Variants in ZNF517 observed in about 807,000 individuals in gnomAD.
ZNF517 encodes zinc finger protein 517.
Under a neutral mutation model 12.1 loss-of-function variants are expected in ZNF517, and 12 were observed. That is an observed-to-expected ratio of 0.99 (90% CI 0.63 to 1.61). ZNF517 has a LOEUF of 1.61. Among genes scored for constraint, ZNF517 ranks in the 40% most tolerant of loss-of-function variants. ZNF517 has a pLI of 0.00. For synonymous variants in ZNF517, 388 were observed against 310.2 expected (o/e 1.25, Z -2.63); for missense variants, 781 against 693.2 (o/e 1.13, Z -1.42).
chr8:144,811,727 A>G (rs1827562580), downstream of ZNF517, among the ~76,000 whole-genome samples: 1 of 136,038 alleles, frequency 7.4e-6, no homozygotes, highest in Non-Finnish European at 1.5e-5. Context: ...AGGCTGAGAC[A>G]GGGTGGGAGA....
intron 2 of ZNF517, 93 bp from the exon 3 acceptor site, chr8:144,803,546 GGA>G: frequency 6.5e-7 from 1 of 1,532,898 alleles, no homozygotes; most frequent in Non-Finnish European, 8.9e-7. Context: ...TGGGCAGCAA[GGA>G]GAGAGGCCTC....
downstream of ZNF517, chr8:144,810,441 A>T (rs925499862): frequency 3.6e-5 from 15 of 420,620 alleles, no homozygotes; most frequent in Middle Eastern, 3.1e-4. Flanking sequence ...GGGCACCAAG[A>T]TGGGGAGGGC....
chr8:144,804,140 A>C lies in ZNF517; in HGVS notation c.176A>C (p.Lys59Thr). Residue 59 changes from lysine (K) to threonine (T), a missense_variant, in exon 4 of 5, where the codon AAA (lysine) becomes ACA (threonine). By Grantham distance (78) the Lys-to-Thr change is moderately conservative (BLOSUM62 -1). Transcript: ENST00000359971. ...CTGAGCTTAGGCTTTCTTGTTGCCA[A>C]ACCAGCACTGATCTCCCTATTGGAG... ...NLASLGFLVA[K>T]PALISLLEQG... 6.2e-7 allele frequency: 1 copy of C among 1,614,132 alleles called. No individual in the cohort carries two copies. The highest frequency in any genetic ancestry group is 8.5e-7 in the Non-Finnish European group (1 of 1,179,980).
Position 144,809,128 on chromosome 8 carries a change from A to G in ZNF517, c.*733A>G, listed in dbSNP as rs1025946127. On this transcript the variant is annotated 3_prime_UTR_variant, in exon 5 of 5. Transcript: ENST00000359971. ...ACCACGGCACTCCAACCTGGTTGAC[A>G]GAGTGACACCCTGTTTAAAAAAAAA... The G allele has an allele frequency of 2.0e-5, 3 of 151,864 alleles. No homozygotes were observed. The highest frequency in any genetic ancestry group is 2.0e-4 in the Admixed American group (3 of 15,258). The allele number at this position is 151,864 out of a possible 1,614,324, so 9.4% of individuals were successfully genotyped here. A position where few individuals can be genotyped will look rare whatever the true frequency, so the allele number is the denominator to read the frequency against.
chr8:144,800,925 A>C (rs1031611575), intron 1 of ZNF517, among the ~76,000 whole-genome samples: 9 of 151,140 alleles, frequency 6.0e-5, no homozygotes, highest in Non-Finnish European at 1.0e-4. Context: ...ACCTCTGTCT[A>C]CTCAAGCAGT....
chr8:144,811,377 A>T (rs1324391350), downstream of ZNF517, among the ~76,000 whole-genome samples: 1 of 152,228 alleles, frequency 6.6e-6, no homozygotes, highest in Non-Finnish European at 1.5e-5. Context: ...CGCCTGAGAC[A>T]GGGTGGGAGA....
intron 4 of ZNF517, among the ~76,000 whole-genome samples, chr8:144,805,161 G>A (rs1361441138): frequency 2.0e-5 from 3 of 152,214 alleles, no homozygotes; most frequent in African/African-American, 4.8e-5. Flanking sequence ...AGTAACGGGC[G>A]TCTTCCCAGG....
chr8:144,813,380 A>G (rs542009112), downstream of ZNF517, among the ~76,000 whole-genome samples: 1 of 152,208 alleles, frequency 6.6e-6, no homozygotes, highest in African/African-American at 2.4e-5. Flanking sequence ...GGACAATTAT[A>G]AAACACTGAT....
At position 144,809,271 on chromosome 8, in the gene ZNF517, G is replaced by A. The variant is rs914741923; in HGVS notation, c.*876G>A. The A allele has an allele frequency of 2.0e-5, 3 of 152,162 alleles. No homozygotes were observed. The highest frequency in any genetic ancestry group is 4.8e-5 in the African/African-American group (2 of 41,426). 9.4% of individuals were successfully genotyped at this position (152,162 alleles called of 1,614,324 possible). On this transcript the variant is annotated 3_prime_UTR_variant, in exon 5 of 5. Coordinates refer to ENST00000359971, the MANE Select transcript of ZNF517 (RefSeq NM_213605.3). Reference sequence around the variant, plus strand: ...AATGGCACAATCATGGCTTACTGCAGCCTCCAGCTCCCAGGCTCAAGCGTT... The same window carrying A: ...AATGGCACAATCATGGCTTACTGCAACCTCCAGCTCCCAGGCTCAAGCGTT...
rs776652204 is a variant in ZNF517 at position 144,807,388 on chromosome 8, GC to G, written c.474del (p.Ser159ProfsTer67). The part of the protein sequence containing the change: ...PTHPRAREHS[A>X]SPRVLQEDLG... ...CCACCCCCGGGCTCGGGAGCACAGCGCCTCCCCAAGGGTTCTGCAGGAAGAC... is the reference window on the plus strand; with the variant it reads ...CCACCCCCGGGCTCGGGAGCACAGCGCTCCCCAAGGGTTCTGCAGGAAGAC... On this transcript the variant is annotated frameshift_variant, in exon 5 of 5. Coordinates refer to ENST00000359971, the MANE Select transcript of ZNF517 (RefSeq NM_213605.3). LOFTEE classifies it low-confidence loss of function (END_TRUNC). 2.6e-6 allele frequency: 4 copies of G among 1,558,090 alleles called. No homozygotes were observed. The highest frequency in any genetic ancestry group is 3.5e-6 in the Non-Finnish European group (4 of 1,151,208).
intron 4 of ZNF517, among the ~76,000 whole-genome samples, chr8:144,804,853 A>G (rs1292869570): frequency 6.6e-6 from 1 of 152,198 alleles, no homozygotes; most frequent in Non-Finnish European, 1.5e-5. Context: ...TATGCATTTT[A>G]ATGACTTTTA....
At position 144,803,641 on chromosome 8, in the gene ZNF517, G is replaced by A; in HGVS notation, c.34G>A (p.Glu12Lys). 1 of 1,614,082 alleles carries A rather than the reference G, an allele frequency of 6.2e-7. No homozygotes were observed. Among genetic ancestry groups the A allele is most frequent in the Admixed American group, 1.7e-5 (1 of 60,006 alleles). The change falls in exon 3 of 5, where the codon GAG (glutamate) becomes AAG (lysine). Residue 12 changes from glutamate to lysine, a missense_variant and splice_region_variant. Physicochemically the swap from Glu to Lys is moderately conservative, Grantham distance 56 (BLOSUM62 1). Coordinates refer to ENST00000359971, the MANE Select transcript of ZNF517 (RefSeq NM_213605.3). ...AMALPMPGPQEAVVFEDVAVY... is the reference protein window; with the variant it reads ...AMALPMPGPQKAVVFEDVAVY... Reference sequence around the variant, plus strand: ...TGGATAGCAGAGTATGTGGTTGCAGGAGGCGGTTGTGTTCGAGGATGTGGC... The same window carrying A: ...TGGATAGCAGAGTATGTGGTTGCAGAAGGCGGTTGTGTTCGAGGATGTGGC...
chr8:144,806,996 A>G (rs1041536442), intron 4 of ZNF517, among the ~76,000 whole-genome samples, 195 bp from the exon 5 acceptor site: 4 of 151,598 alleles, frequency 2.6e-5, no homozygotes, highest in Admixed American at 6.6e-5. Context: ...TCGGCTCACT[A>G]CAACCTCTGT....
chr8:144,807,570 C>A lies in ZNF517; in HGVS notation c.654C>A (p.Ser218=). Reference sequence around the variant, plus strand: ...GCGGGAAGGCCTTCAAGCAAAGCTCCATCCTGCTGCGGCACCAGCTGATCC... The same window carrying A: ...GCGGGAAGGCCTTCAAGCAAAGCTCAATCCTGCTGCGGCACCAGCTGATCC... ...TECGKAFKQS[S]ILLRHQLIHT... is the part of the protein sequence containing the mutation. Residue 218 remains serine (S), a synonymous_variant, in exon 5 of 5, where the codon TCC becomes TCA. Coordinates refer to ENST00000359971, the MANE Select transcript of ZNF517 (RefSeq NM_213605.3). 6.2e-7 allele frequency: 1 copy of A among 1,601,290 alleles called. No individual in the cohort carries two copies. The highest frequency in any genetic ancestry group is 1.1e-5 in the South Asian group (1 of 89,412).
intron 4 of ZNF517, among the ~76,000 whole-genome samples, chr8:144,805,652 G>A (rs116464639): frequency 0.021 from 2,942 of 138,838 alleles, 93 homozygotes; most frequent in African/African-American, 0.076. Flanking sequence ...TTGAGACGGA[G>A]TCTCGCACTT....
rs529084010 is a variant in ZNF517 at position 144,807,739 on chromosome 8, C to T, written c.823C>T (p.Arg275Trp). The change falls in exon 5 of 5, where the codon CGG becomes TGG. Residue 275 changes from arginine to tryptophan, a missense_variant. Transcript: ENST00000359971. Reference protein sequence around the residue: ...ECGKAFSRSSRLLQHQKFHTG... With the variant: ...ECGKAFSRSSWLLQHQKFHTG... ...CGGCAAGGCCTTCAGCCGCAGCTCC[C>T]GGCTGCTGCAGCACCAGAAGTTCCA... is the stretch of plus-strand genomic sequence containing the variant. 20 of 1,611,688 alleles carry T rather than the reference C, an allele frequency of 1.2e-5. No homozygotes were observed. Among genetic ancestry groups the T allele is most frequent in the Admixed American group, 3.3e-5 (2 of 59,958 alleles).
rs2130471179 is a variant in ZNF517 at position 144,809,580 on chromosome 8, C to T, written c.*1185C>T. ...GGACTCAGGCTTGCCACAGAGGCCT[C>T]CCAGGGCTCTCGGCCAGTCAGCCTC... On this transcript the variant is annotated 3_prime_UTR_variant, in exon 5 of 5. Coordinates refer to ENST00000359971, the MANE Select transcript of ZNF517 (RefSeq NM_213605.3). 1 of 152,356 alleles carries T rather than the reference C, an allele frequency of 6.6e-6. No homozygotes were observed. Among genetic ancestry groups the T allele is most frequent in the Non-Finnish European group, 1.5e-5 (1 of 68,070 alleles). The allele number at this position is 152,356 out of a possible 1,614,324, so 9.4% of individuals were successfully genotyped here. A position where few individuals can be genotyped will look rare whatever the true frequency, so the allele number is the denominator to read the frequency against.
rs756565731 is a variant in ZNF517 at position 144,802,895 on chromosome 8, C to T, written c.-20C>T. On this transcript the variant is annotated 5_prime_UTR_variant, in exon 2 of 5. Coordinates refer to ENST00000359971, the MANE Select transcript of ZNF517 (RefSeq NM_213605.3). ...AATTCACTGTCTGTAGCATCTGCTC[C>T]TCCACAGAGGGACCCTGGAATGGCG... is the stretch of plus-strand genomic sequence containing the variant. The T allele has an allele frequency of 1.2e-6, 2 of 1,613,976 alleles. No individual in the cohort carries two copies. The highest frequency in any genetic ancestry group is 1.7e-6 in the Non-Finnish European group (2 of 1,179,964).
Position 144,807,547 on chromosome 8 carries a change from G to C in ZNF517, c.631G>C (p.Gly211Arg). The change falls in exon 5 of 5, where the codon GGG becomes CGG. Residue 211 changes from glycine (G) to arginine (R), a missense_variant. By Grantham distance (125) the Gly-to-Arg change is moderately radical. Transcript: ENST00000359971. ...CAAGCCCTTCCAGTGCACAGAGTGC[G>C]GGAAGGCCTTCAAGCAAAGCTCCAT... ...GAKPFQCTEC[G>R]KAFKQSSILL... The C allele has an allele frequency of 1.9e-6, 3 of 1,598,578 alleles. No individual in the cohort carries two copies. The highest frequency in any genetic ancestry group is 2.6e-6 in the Non-Finnish European group (3 of 1,173,040).
Sources: gnomAD v4.1 joint callset for allele counts (sites outside exome capture counted in the v4.1 genomes callset) on GRCh38, gnomAD v4.1.1 for gene constraint, MANE v1.5 for transcripts, NCBI Gene and HGNC (gene_info 2026-07-23, HGNC 2026-07-21) for gene names.